The following MARCHF3 variants were observed in gnomAD, a reference collection of about 807,000 sequenced individuals.
The protein encoded by MARCHF3 is E3 ubiquitin-protein ligase MARCHF3.
MARCHF3 carries 13 observed loss-of-function variants against 24.2 expected under a neutral mutation model. That is an observed-to-expected ratio of 0.54 (90% confidence interval 0.35 to 0.85). The LOEUF is 0.85. Among genes scored for constraint, MARCHF3 ranks in the 40% least tolerant of loss-of-function variants. The pLI, the probability that MARCHF3 is intolerant of heterozygous loss-of-function variation, is 0.01. For missense variants in MARCHF3, 276 were observed against 325.0 expected, an observed-to-expected ratio of 0.85 and a Z score of 1.16; for synonymous variants, 144 against 137.3, an observed-to-expected ratio of 1.05 and a Z score of -0.34.
chr5:126,989,145 C>T (rs537879454), intron 1 of MARCHF3, among the ~76,000 whole-genome samples: 7 of 152,058 alleles, frequency 4.6e-5, no homozygotes, highest in Non-Finnish European at 8.8e-5. Context: ...AGAGTATCCT[C>T]GTGCACACCT....
At chr5:126,952,533 T>C (rs1258664671) in intron 1 of MARCHF3, among the ~76,000 whole-genome samples, 1 of 152,166 alleles carries the variant, frequency 6.6e-6, no homozygotes, top group African/African-American at 2.4e-5. Flanking sequence ...GTAGTATCTA[T>C]TAACTTCCTG....
At chr5:126,894,256 T>A (rs1233624548) in intron 3 of MARCHF3, among the ~76,000 whole-genome samples, 3 of 144,216 alleles carry the variant, frequency 2.1e-5, no homozygotes, top group African/African-American at 8.0e-5. Flanking sequence ...TTTGCCAGTC[T>A]GTGTCTTTTA....
chr5:126,898,719 C>T (rs1754007207), intron 3 of MARCHF3, among the ~76,000 whole-genome samples: 1 of 152,084 alleles, frequency 6.6e-6, no homozygotes, highest in Non-Finnish European at 1.5e-5. Context: ...TACAACTTTT[C>T]TGCTGCTCCT....
intron 1 of MARCHF3, among the ~76,000 whole-genome samples, chr5:126,918,844 C>G (rs1749000308): frequency 6.6e-6 from 1 of 152,218 alleles, no homozygotes; most frequent in Admixed American, 6.5e-5. Flanking sequence ...CTCAATACAT[C>G]TTGAAATTAA....
At chr5:127,023,193 G>C (rs73783507) in intron 1 of MARCHF3, among the ~76,000 whole-genome samples, 9,526 of 152,158 alleles carry the variant, frequency 0.063, 581 homozygotes, top group African/African-American at 0.15. Context: ...GGGACTGGTT[G>C]CAGGACATCC....
chr5:126,944,490 G>A (rs1052156606), intron 1 of MARCHF3, among the ~76,000 whole-genome samples: 1 of 152,152 alleles, frequency 6.6e-6, no homozygotes, highest in African/African-American at 2.4e-5. Context: ...GGCTGAGGCA[G>A]GGGAACTGCT....
chr5:126,926,356 C>T (rs1449242356), intron 1 of MARCHF3, among the ~76,000 whole-genome samples: 2 of 152,162 alleles, frequency 1.3e-5, no homozygotes, highest in African/African-American at 4.8e-5. Flanking sequence ...TGTGCATTCC[C>T]TGGAGCACTT....
At chr5:126,901,043 C>T (rs914752089) in intron 3 of MARCHF3, among the ~76,000 whole-genome samples, 1 of 151,938 alleles carries the variant, frequency 6.6e-6, no homozygotes, top group Non-Finnish European at 1.5e-5. Context: ...ACTTACTAGC[C>T]CTGAGGCTGA....
intron 1 of MARCHF3, among the ~76,000 whole-genome samples, chr5:126,933,879 AT>A (rs1265854989): frequency 6.6e-6 from 1 of 152,214 alleles, no homozygotes; most frequent in Non-Finnish European, 1.5e-5. Context: ...GTTTTTGGAT[AT>A]TTTCATTAAA....
At chr5:126,890,383 C>A (rs1324445768) in intron 3 of MARCHF3, among the ~76,000 whole-genome samples, 2 of 150,466 alleles carry the variant, frequency 1.3e-5, no homozygotes, top group African/African-American at 4.9e-5. Flanking sequence ...GTGCACTGCA[C>A]CCACTAACTC....
At chr5:126,916,650 T>A (rs1362675727) in intron 2 of MARCHF3, among the ~76,000 whole-genome samples, 1 of 149,128 alleles carries the variant, frequency 6.7e-6, no homozygotes, top group Non-Finnish European at 1.5e-5. Flanking sequence ...CAGTACCGCA[T>A]GGTGGGAAAG....
chr5:126,998,550 C>G (rs910921855), intron 1 of MARCHF3, among the ~76,000 whole-genome samples: 4 of 152,174 alleles, frequency 2.6e-5, no homozygotes, highest in African/African-American at 9.7e-5. Flanking sequence ...ACACAGAAGC[C>G]ATCAGGTGGA....
At chr5:126,962,402 C>G (rs1414642952) in intron 1 of MARCHF3, among the ~76,000 whole-genome samples, 1 of 151,778 alleles carries the variant, frequency 6.6e-6, no homozygotes, top group Non-Finnish European at 1.5e-5. Context: ...GTTCTATTAA[C>G]AATAATCATA....
chr5:126,934,377 A>G (rs1749570951), intron 1 of MARCHF3, among the ~76,000 whole-genome samples: 1 of 152,146 alleles, frequency 6.6e-6, no homozygotes, highest in South Asian at 2.1e-4. Context: ...AATATCTTCT[A>G]TCTGACTTAA....
chr5:126,970,301 TG>T (rs1487436956), intron 1 of MARCHF3, among the ~76,000 whole-genome samples: 2 of 152,044 alleles, frequency 1.3e-5, no homozygotes, highest in Non-Finnish European at 2.9e-5. Flanking sequence ...TTAGCCAGGC[TG>T]GTCTCGAACT....
At chr5:126,978,224 T>C (rs1465246591) in intron 1 of MARCHF3, among the ~76,000 whole-genome samples, 2 of 152,216 alleles carry the variant, frequency 1.3e-5, no homozygotes, top group Non-Finnish European at 2.9e-5. Flanking sequence ...TGGATTTATT[T>C]TGGAGGGAAC....
chr5:126,949,486 C>G (rs1750140666), intron 1 of MARCHF3, among the ~76,000 whole-genome samples: 1 of 152,120 alleles, frequency 6.6e-6, no homozygotes, highest in African/African-American at 2.4e-5. Flanking sequence ...AAACCTAAAC[C>G]TTTTATCTTT....
At chr5:126,888,195 C>A (rs1474927046) in intron 3 of MARCHF3, among the ~76,000 whole-genome samples, 1 of 152,140 alleles carries the variant, frequency 6.6e-6, no homozygotes, top group East Asian at 1.9e-4. Context: ...GTAATTTTTG[C>A]CACACACATG....
intron 3 of MARCHF3, among the ~76,000 whole-genome samples, chr5:126,894,563 A>C (rs1210838096): frequency 6.6e-6 from 1 of 151,668 alleles, no homozygotes; most frequent in African/African-American, 2.4e-5. Context: ...GTTTGGCTGG[A>C]TATGAAATTC....
Sources: allele counts gnomAD v4.1 joint callset (sites outside exome capture counted in the v4.1 genomes callset), GRCh38; gene constraint gnomAD v4.1.1; transcripts MANE v1.5; gene names NCBI Gene and HGNC (gene_info 2026-07-23, HGNC 2026-07-21).